Variants in CFAP46 observed in about 807,000 individuals in gnomAD.
The protein encoded by CFAP46 is cilia- and flagella-associated protein 46.
A neutral mutation model predicts 325.7 loss-of-function variants in CFAP46; 245 were observed. That is an observed-to-expected ratio of 0.75 (90% CI 0.68 to 0.84). The LOEUF (loss-of-function observed/expected upper bound fraction) is 0.84, where lower values mean the gene tolerates loss of function less well. Ranked by LOEUF, CFAP46 falls within the 40% of genes least tolerant of loss-of-function variation. The pLI is 0.00. For synonymous variants in CFAP46, 1,523 were observed against 1,495.9 expected (o/e 1.02, Z -0.42); for missense variants, 3,346 against 3,543.0 (o/e 0.94, Z 1.41).
At chr10:132,821,037 A>ATGTGTGCTG (rs1326621455) in intron 50 of CFAP46, among the ~76,000 whole-genome samples, 1 of 81,946 alleles carries the variant, frequency 1.2e-5, no homozygotes, top group African/African-American at 5.4e-5. Context: ...GTGTGTGCTG[A>ATGTGTGCTG]TGTGTGCTGT....
At chr10:132,879,841 A>G (rs1849012791) in intron 28 of CFAP46, among the ~76,000 whole-genome samples, 1 of 152,074 alleles carries the variant, frequency 6.6e-6, no homozygotes, top group Admixed American at 6.5e-5. Context: ...CCTCACCCCC[A>G]GGGGCAGTTC....
chr10:132,855,061 ATCT>A (rs150875880), intron 39 of CFAP46, among the ~76,000 whole-genome samples: 11,844 of 152,212 alleles, frequency 0.078, 479 homozygotes, highest in Middle Eastern at 0.092. Context: ...TGTTGTTCAA[ATCT>A]TCTAGTGATT....
intron 25 of CFAP46, among the ~76,000 whole-genome samples, chr10:132,890,551 G>A (rs943267480): frequency 6.6e-6 from 1 of 152,060 alleles, no homozygotes; most frequent in Non-Finnish European, 1.5e-5. Flanking sequence ...CCCCCCAGAG[G>A]AGCGGGTAGG....
chr10:132,850,879 G>A (rs1848529381), intron 40 of CFAP46, among the ~76,000 whole-genome samples: 1 of 152,080 alleles, frequency 6.6e-6, no homozygotes, highest in African/African-American at 2.4e-5. Flanking sequence ...GTCGGGAAGG[G>A]CAGCTGTGGG....
In CFAP46 at chr10:132,832,599, T is replaced by C. The variant is rs1003059528; in HGVS notation, c.7117+759A>G. 6 of 355,884 alleles carry C rather than the reference T, an allele frequency of 1.7e-5. No individual in the cohort carries two copies. Among genetic ancestry groups the C allele is most frequent in the Admixed American group, 1.6e-4 (5 of 30,340 alleles). 22.0% of individuals were successfully genotyped at this position (355,884 alleles called of 1,614,324 possible). On this transcript the variant is annotated intron_variant, in intron 50 of 57. Transcript: ENST00000368586. This position sits in a 1 kb window ranked among gnomAD's most constrained non-coding sequence, Gnocchi z 4.1. ...CTGGTCCCTGTTACTTCATCTGAGA[T>C]GGAAGCAAAAGTCCAATCGATTTAT... is the stretch of plus-strand genomic sequence containing the variant.
intron 7 of CFAP46, among the ~76,000 whole-genome samples, chr10:132,936,294 C>T (rs954531047): frequency 1.1e-5 from 1 of 94,010 alleles, no homozygotes; most frequent in Non-Finnish European, 2.1e-5. Flanking sequence ...TCACTCCCCT[C>T]GGCACCCAAA....
chr10:132,869,473 T>C lies in CFAP46; in HGVS notation c.4512-101A>G. The C allele has an allele frequency of 1.4e-6, 1 of 738,044 alleles. No individual in the cohort carries two copies. Among genetic ancestry groups the C allele is most frequent in the Non-Finnish European group, 2.0e-6 (1 of 489,024 alleles). 45.7% of individuals were successfully genotyped at this position (738,044 alleles called of 1,614,324 possible). ...TCACAGAAAACGGTCAACTAACACA[T>C]CGAGGCACACTTGGATGGTATTTTC... On this transcript the variant is annotated intron_variant, in intron 32 of 57. Coordinates refer to ENST00000368586, the MANE Select transcript of CFAP46 (RefSeq NM_001200049.3). This position sits in a 1 kb window ranked among gnomAD's most constrained non-coding sequence, Gnocchi z 6.2.
chr10:132,920,456 T>C (rs1484820752), intron 13 of CFAP46, among the ~76,000 whole-genome samples: 1 of 152,198 alleles, frequency 6.6e-6, no homozygotes, highest in Admixed American at 6.5e-5. Flanking sequence ...AAGACCCTCC[T>C]GCTGCTCTGC....
rs1034357979 is a variant in CFAP46, at chr10:132,828,826, T to C, written c.7117+4532A>G. On this transcript the variant is annotated intron_variant, in intron 50 of 57. Coordinates refer to ENST00000368586, the MANE Select transcript of CFAP46 (RefSeq NM_001200049.3). The surrounding 1 kb of genome is among the most constrained non-coding windows in gnomAD (Gnocchi z 4.9). ...GACGTCCAGGGACTGCAGCCACTCATGGAGATGCCCTTCCTCCGCTCAGCG... is the reference window on the plus strand; with the variant it reads ...GACGTCCAGGGACTGCAGCCACTCACGGAGATGCCCTTCCTCCGCTCAGCG... Among the ~76,000 whole-genome samples, 8 of 152,234 alleles carry C rather than the reference T, an allele frequency of 5.3e-5. No individual in the cohort carries two copies. The highest frequency in any genetic ancestry group is 2.1e-4 in the South Asian group (1 of 4,818).
In CFAP46 at chr10:132,876,750, A is replaced by G. The variant is rs2135339596; in HGVS notation, c.4362+62T>C. 1 of 1,472,508 alleles carries G rather than the reference A, an allele frequency of 6.8e-7. No individual in the cohort carries two copies. Among genetic ancestry groups the G allele is most frequent in the Non-Finnish European group, 9.1e-7 (1 of 1,104,108 alleles). 91.2% of individuals were successfully genotyped at this position (1,472,508 alleles called of 1,614,324 possible). ...TTCACAGTGAAAACTGGACTTGGGG[A>G]CAGGTCAAGGGGACACCATGCTGTG... is the stretch of plus-strand genomic sequence containing the variant. On this transcript the variant is annotated intron_variant, in intron 31 of 57. Coordinates refer to ENST00000368586, the MANE Select transcript of CFAP46 (RefSeq NM_001200049.3). The surrounding 1 kb of genome is among the most constrained non-coding windows in gnomAD (Gnocchi z 4.1).
rs901687724 is a variant in CFAP46 at position 132,913,104 on chromosome 10, C to T, written c.2275G>A (p.Glu759Lys). The T allele has an allele frequency of 6.4e-7, 1 of 1,550,424 alleles. No homozygotes were observed. The highest frequency in any genetic ancestry group is 8.7e-7 in the Non-Finnish European group (1 of 1,147,004). Residue 759 changes from glutamate to lysine, a missense_variant, in exon 18 of 58, where the codon GAG (glutamate) becomes AAG (lysine). Transcript: ENST00000368586. ...AGGTGGTACAGGGCGTCCACCAGCT[C>T]CTTCTGCCGCCCGGCCAGGATCAGG... is the stretch of plus-strand genomic sequence containing the variant. ...HHLILAGRQK[E>K]LVDALYHLLS...
At position 132,872,668 on chromosome 10, in the gene CFAP46, G is replaced by C; in HGVS notation, c.4511+8C>G. 6.4e-7 allele frequency: 1 copy of C among 1,550,570 alleles called. No homozygotes were observed. The highest frequency in any genetic ancestry group is 8.7e-7 in the Non-Finnish European group (1 of 1,146,994). On this transcript the variant is annotated splice_region_variant and intron_variant, in intron 32 of 57. Coordinates refer to ENST00000368586, the MANE Select transcript of CFAP46 (RefSeq NM_001200049.3). ...GAAATCACACTCCGAAAAAGGAGCT[G>C]TACCCACCGAAGGTGGTAGAGATCC...
Position 132,820,197 on chromosome 10 carries a change from G to A in CFAP46, c.7118-5283C>T, listed in dbSNP as rs114583362. Among the ~76,000 whole-genome samples, 278 of 152,368 alleles carry A rather than the reference G, an allele frequency of 1.8e-3. 2 individuals carry two copies. Among genetic ancestry groups the A allele is most frequent in the African/African-American group, 5.8e-3 (242 of 41,580 alleles). ...CTTAGCAAGATGACATCCTGTCGCCGTTGGCGACAACATGGATGAACCTTG... is the reference window on the plus strand; with the variant it reads ...CTTAGCAAGATGACATCCTGTCGCCATTGGCGACAACATGGATGAACCTTG... On this transcript the variant is annotated intron_variant, in intron 50 of 57. Coordinates refer to ENST00000368586, the MANE Select transcript of CFAP46 (RefSeq NM_001200049.3).
Position 132,876,662 on chromosome 10 carries a change from G to T in CFAP46, c.4362+150C>A. The T allele has an allele frequency of 1.3e-6, 1 of 753,228 alleles. No individual in the cohort carries two copies. Among genetic ancestry groups the T allele is most frequent in the Non-Finnish European group, 2.1e-6 (1 of 477,636 alleles). The allele number at this position is 753,228 out of a possible 1,614,324, so 46.7% of individuals were successfully genotyped here. ...AGTTGAGGGCAGACAGTGGTGCTGG[G>T]AGGGCCTGTGGGAGGCTGGGGGCTG... On this transcript the variant is annotated intron_variant, in intron 31 of 57. Coordinates refer to ENST00000368586, the MANE Select transcript of CFAP46 (RefSeq NM_001200049.3). This position sits in a 1 kb window ranked among gnomAD's most constrained non-coding sequence, Gnocchi z 4.1.
In CFAP46 at chr10:132,834,834, C is replaced by T. The variant is rs549605048; in HGVS notation, c.6745-59G>A. The T allele has an allele frequency of 4.4e-4, 694 of 1,566,294 alleles. 1 individual carries two copies. Among genetic ancestry groups the T allele is most frequent in the Middle Eastern group, 3.3e-3 (15 of 4,512 alleles). On this transcript the variant is annotated intron_variant, in intron 47 of 57. Coordinates refer to ENST00000368586, the MANE Select transcript of CFAP46 (RefSeq NM_001200049.3). ...AACAGGGCGCATGGCCCAGACCCCG[C>T]GAGGGCCAGGCCCCTGCAGAAAGGC...
chr10:132,933,743 G>A (rs538241575), intron 8 of CFAP46, among the ~76,000 whole-genome samples: 103 of 152,330 alleles, frequency 6.8e-4, no homozygotes, highest in African/African-American at 2.1e-3. Context: ...ACGTGCTGGC[G>A]TCTGGCGCCC....
intron 8 of CFAP46, among the ~76,000 whole-genome samples, chr10:132,934,445 C>T (rs1299568043): frequency 2.6e-5 from 4 of 152,238 alleles, no homozygotes; most frequent in African/African-American, 9.6e-5. Context: ...CCAGAGAAAC[C>T]TGTGTTTTCC....
At chr10:132,923,525 AC>A (rs1849761524) in intron 11 of CFAP46, among the ~76,000 whole-genome samples, 1 of 120,458 alleles carries the variant, frequency 8.3e-6, no homozygotes. Context: ...GTGCCCTGGA[AC>A]CCCTGGCCTT....
intron 40 of CFAP46, 93 bp from the exon 41 acceptor site, chr10:132,850,525 T>C (rs1191881867): frequency 2.4e-6 from 3 of 1,263,590 alleles, no homozygotes; most frequent in Non-Finnish European, 3.2e-6. Flanking sequence ...TGCTGTGCCC[T>C]GTGGGTGGGA....
Sources: gnomAD v4.1 joint callset for allele counts (sites outside exome capture counted in the v4.1 genomes callset) on GRCh38, gnomAD v4.1.1 for gene constraint, Gnocchi (gnomAD v3.1) non-coding constraint, MANE v1.5 for transcripts, NCBI Gene and HGNC (gene_info 2026-07-23, HGNC 2026-07-21) for gene names.